Variants in C11orf65 observed in about 807,000 individuals in gnomAD.
C11orf65 encodes the protein protein MFI.
Under a neutral mutation model 35.3 loss-of-function variants are expected in C11orf65, and 38 were observed. The observed-to-expected ratio is 1.08, with a 90% CI of 0.83 to 1.41. C11orf65 has a LOEUF of 1.41. Among genes scored for constraint, C11orf65 ranks in the 40% most tolerant of loss-of-function variants. C11orf65 has a pLI of 0.00. For synonymous variants in C11orf65, 105 were observed against 114.4 expected, an observed-to-expected ratio of 0.92 and a Z score of 0.53; for missense variants, 370 against 367.1, an observed-to-expected ratio of 1.01 and a Z score of -0.06.
intron 2 of C11orf65, among the ~76,000 whole-genome samples, chr11:108,442,861 C>G (rs1363068050): frequency 6.6e-6 from 1 of 152,146 alleles, no homozygotes; most frequent in East Asian, 1.9e-4. Context: ...GTACCAGCCA[C>G]TGCAAAAACA....
intron 3 of C11orf65, among the ~76,000 whole-genome samples, chr11:108,425,711 C>T (rs956711236): frequency 3.9e-5 from 6 of 152,150 alleles, no homozygotes; most frequent in African/African-American, 1.4e-4. Flanking sequence ...AAATTTCAGG[C>T]CAATATACCT....
chr11:108,355,525 G>C (rs2089798383), intron 2 of C11orf65: 1 of 153,526 alleles, frequency 6.5e-6, no homozygotes, highest in South Asian at 2.0e-4. Context: ...AATCTGGTAA[G>C]GGTATGTGAG....
At chr11:108,464,353 G>T (rs1327212755) in intron 1 of C11orf65, among the ~76,000 whole-genome samples, 1 of 146,950 alleles carries the variant, frequency 6.8e-6, no homozygotes, top group East Asian at 2.0e-4. Flanking sequence ...CTGGAATGCA[G>T]TGGAGCGATT....
At chr11:108,360,112 A>C (rs548560604) in intron 2 of C11orf65, among the ~76,000 whole-genome samples, 1 of 151,456 alleles carries the variant, frequency 6.6e-6, no homozygotes, top group Admixed American at 6.6e-5. Context: ...GATAAAGGGG[A>C]TATCACCACC....
intron 3 of C11orf65, among the ~76,000 whole-genome samples, chr11:108,430,795 T>C (rs1340792460): frequency 6.6e-6 from 1 of 151,726 alleles, no homozygotes; most frequent in African/African-American, 2.4e-5. Context: ...CAGTGAGCCC[T>C]GATCGTGCCA....
rs781719135 is a variant in C11orf65 at position 108,405,509 on chromosome 11, T to G, written c.480A>C (p.Glu160Asp). The change falls in exon 6 of 9, where the codon GAA becomes GAC. Residue 160 changes from glutamate (E) to aspartate (D), a missense_variant. Transcript: ENST00000393084. ...GMVVEDKKES[E>D]FHFSKLKRRQ... ...TTCTCTTCAGTTTAGAGAAATGGAA[T>G]TCACTTTCCTTTTTGTCTTCCACCA... 8 of 1,613,326 alleles carry G rather than the reference T, an allele frequency of 5.0e-6. No individual in the cohort carries two copies. The highest frequency in any genetic ancestry group is 5.9e-6 in the Non-Finnish European group (7 of 1,179,562).
intron 7 of C11orf65, among the ~76,000 whole-genome samples, chr11:108,389,683 G>T (rs1364846321): frequency 6.6e-6 from 1 of 151,912 alleles, no homozygotes; most frequent in East Asian, 1.9e-4. Context: ...TTTTTGTTTT[G>T]CTCTGTTTTG....
intron 5 of C11orf65, among the ~76,000 whole-genome samples, chr11:108,406,322 T>A (rs111385585): frequency 6.6e-6 from 1 of 152,094 alleles, no homozygotes; most frequent in Non-Finnish European, 1.5e-5. Flanking sequence ...TTTGTTTTTG[T>A]TGTTGTTGTT....
At chr11:108,446,619 G>C (rs1428749680) in intron 2 of C11orf65, among the ~76,000 whole-genome samples, 1 of 152,042 alleles carries the variant, frequency 6.6e-6, no homozygotes, top group African/African-American at 2.4e-5. Flanking sequence ...CCCTAAAAGA[G>C]CTCCTGAAGG....
chr11:108,318,688 CA>C (rs1315730885), intron 6 of C11orf65, among the ~76,000 whole-genome samples: 2 of 149,968 alleles, frequency 1.3e-5, no homozygotes, highest in Non-Finnish European at 3.0e-5. Context: ...GACTCTGTCT[CA>C]AAAAAACAAA....
At chr11:108,338,279 T>C (rs529679551) in intron 2 of C11orf65, among the ~76,000 whole-genome samples, 2 of 152,068 alleles carry the variant, frequency 1.3e-5, no homozygotes, top group African/African-American at 4.8e-5. Flanking sequence ...TAAACCCGGA[T>C]GGCAGAGGTT....
chr11:108,450,291 C>T (rs2093328583), intron 2 of C11orf65, among the ~76,000 whole-genome samples: 1 of 151,684 alleles, frequency 6.6e-6, no homozygotes, highest in South Asian at 2.1e-4. Context: ...GGGTATACAC[C>T]CAAAGGATTA....
chr11:108,354,448 G>T (rs1050560947), intron 2 of C11orf65, among the ~76,000 whole-genome samples: 1 of 152,186 alleles, frequency 6.6e-6, no homozygotes, highest in South Asian at 2.1e-4. Flanking sequence ...GCAGTTCCTT[G>T]TAGTTTTCCC....
At chr11:108,427,721 CAAAAAAAAAAAA>C (rs1176005299) in intron 3 of C11orf65, among the ~76,000 whole-genome samples, 1 of 40,740 alleles carries the variant, frequency 2.5e-5, no homozygotes, top group African/African-American at 9.4e-5. Flanking sequence ...AACTCCGCCT[CAAAAAAAAAAAA>C]AAAAAAAAAA....
At chr11:108,357,799 C>G (rs1185728103) in intron 2 of C11orf65, among the ~76,000 whole-genome samples, 1 of 151,980 alleles carries the variant, frequency 6.6e-6, no homozygotes, top group South Asian at 2.1e-4. Context: ...ATCTGTACAT[C>G]ACCATCATCA....
At chr11:108,433,856 A>G (rs1206132795) in intron 2 of C11orf65, among the ~76,000 whole-genome samples, 2 of 152,158 alleles carry the variant, frequency 1.3e-5, no homozygotes, top group Non-Finnish European at 2.9e-5. Flanking sequence ...CTCAAGTAGC[A>G]TACCTGGTTG....
Position 108,360,731 on chromosome 11 carries a change from T to G in C11orf65, c.227-25439A>C, listed in dbSNP as rs1394074400. ...TCTCAATAGATGCAGAAAAAGCCTT[T>G]GACAAAATTCAACAACCCTTCATGC... is the stretch of plus-strand genomic sequence containing the variant. On this transcript the variant is annotated intron_variant, in intron 2 of 3. Transcript: ENST00000524755. 3.0e-4 allele frequency among the ~76,000 whole-genome samples: 42 copies of G among 139,112 alleles called. No homozygotes were observed. The South Asian group carries it at 5.6e-3, about 19-fold the overall frequency. 91.3% of individuals were successfully genotyped at this position (139,112 alleles called of 152,430 possible). A position where few individuals can be genotyped will look rare whatever the true frequency, so the allele number is the denominator to read the frequency against.
At chr11:108,315,970 T>C (rs2084603639) in intron 6 of C11orf65, 1 of 1,609,446 alleles carries the variant, frequency 6.2e-7, no homozygotes, top group South Asian at 1.1e-5. Context: ...GAGTTATGTG[T>C]GTGTAAAACC....
chr11:108,311,061 G>A (rs552093110), intron 6 of C11orf65, among the ~76,000 whole-genome samples: 1 of 152,208 alleles, frequency 6.6e-6, no homozygotes, highest in South Asian at 2.1e-4. Flanking sequence ...TTGATCTTCC[G>A]GGCTCAAGTG....
Sources: gnomAD v4.1 joint callset for allele counts (sites outside exome capture counted in the v4.1 genomes callset) on GRCh38, gnomAD v4.1.1 for gene constraint, MANE v1.5 for transcripts, NCBI Gene and HGNC (gene_info 2026-07-23, HGNC 2026-07-21) for gene names.